The following JMJD1C variants were observed in gnomAD, a reference collection of about 807,000 sequenced individuals.
The protein encoded by JMJD1C is jumonji domain containing 1C, also known as jumonji domain-containing protein 1C.
Under a neutral mutation model 245.3 loss-of-function variants are expected in JMJD1C, and 31 were observed. That is an observed-to-expected ratio of 0.13 (90% CI 0.09 to 0.17). The LOEUF is 0.17. JMJD1C is among the 10% of genes least tolerant of loss of function. The pLI is 1.00. For synonymous variants in JMJD1C, 1,057 were observed against 1,017.4 expected, an observed-to-expected ratio of 1.04 and a Z score of -0.74; for missense variants, 2,691 against 3,000.2, an observed-to-expected ratio of 0.90 and a Z score of 2.41.
chr10:63,294,578 C>T (rs117139553), intron 2 of JMJD1C, among the ~76,000 whole-genome samples: 3,295 of 152,264 alleles, frequency 0.022, 58 homozygotes, highest in Non-Finnish European at 0.034. Flanking sequence ...GCCACTGCAC[C>T]CTGGTCAATC....
chr10:63,467,693 C>A (rs952836126), upstream of JMJD1C, among the ~76,000 whole-genome samples: 4 of 152,150 alleles, frequency 2.6e-5, no homozygotes, highest in Non-Finnish European at 4.4e-5. Context: ...ATGAAGATTT[C>A]TAAAATCAGT....
At chr10:63,320,746 C>T (rs1940749662) in intron 2 of JMJD1C, among the ~76,000 whole-genome samples, 1 of 152,106 alleles carries the variant, frequency 6.6e-6, no homozygotes, top group Non-Finnish European at 1.5e-5. Context: ...ATCTTTTGTT[C>T]TAATATTTGT....
intron 1 of JMJD1C, among the ~76,000 whole-genome samples, chr10:63,434,422 C>G (rs1950947275): frequency 6.6e-6 from 1 of 152,202 alleles, no homozygotes; most frequent in East Asian, 1.9e-4. Flanking sequence ...AGGGGGAAAT[C>G]ACATGGGATT....
chr10:63,187,372 A>G (rs1844251572), intron 18 of JMJD1C, among the ~76,000 whole-genome samples: 1 of 152,228 alleles, frequency 6.6e-6, no homozygotes, highest in African/African-American at 2.4e-5. Flanking sequence ...TTTTTAAAAA[A>G]GATAAGGGTT....
At chr10:63,301,925 A>G (rs188241830) in intron 2 of JMJD1C, 5 of 280,488 alleles carry the variant, frequency 1.8e-5, no homozygotes, top group African/African-American at 1.1e-4. Context: ...GTGGAAACCA[A>G]TCCATTTCCT....
chr10:63,281,553 C>T (rs1486529682), intron 2 of JMJD1C, among the ~76,000 whole-genome samples: 1 of 142,802 alleles, frequency 7.0e-6, no homozygotes, highest in African/African-American at 2.6e-5. Context: ...TCACTGCGAC[C>T]TCTGCCTCCC....
intron 2 of JMJD1C, among the ~76,000 whole-genome samples, chr10:63,364,506 T>G (rs1027666978): frequency 1.2e-4 from 18 of 152,306 alleles, no homozygotes; most frequent in African/African-American, 4.3e-4. Context: ...GCAGGTTTTT[T>G]GTTTGTTTTT....
Position 63,465,927 on chromosome 10 carries a change from T to G in JMJD1C, c.-265A>C, listed in dbSNP as rs770939640. The stretch of plus-strand genomic sequence containing the variant: ...ACTGAAACAAAACCCAACGCGGCCG[T>G]CGAAGACCCCGAGGCAGCCCAGCCG... On this transcript the variant is annotated 5_prime_UTR_variant, in exon 1 of 26. Transcript: ENST00000399262. 1 of 585,592 alleles carries G rather than the reference T, an allele frequency of 1.7e-6. No individual in the cohort carries two copies. The highest frequency in any genetic ancestry group is 1.8e-5 in the South Asian group (1 of 56,056). The allele number at this position is 585,592 out of a possible 1,614,324, so 36.3% of individuals were successfully genotyped here.
chr10:63,308,015 A>T (rs989851682), intron 2 of JMJD1C, among the ~76,000 whole-genome samples: 1 of 152,070 alleles, frequency 6.6e-6, no homozygotes, highest in Non-Finnish European at 1.5e-5. Context: ...TTAGCTGGGC[A>T]TGGTGGCAGA....
intron 24 of JMJD1C, among the ~76,000 whole-genome samples, chr10:63,171,476 C>T (rs1438366640): frequency 1.3e-5 from 2 of 152,214 alleles, no homozygotes; most frequent in African/African-American, 4.8e-5. Context: ...TGGCAATGGT[C>T]ATTGCTGACG....
At position 63,178,730 on chromosome 10, in the gene JMJD1C, C is replaced by G. The variant is rs569407844; in HGVS notation, c.7085-874G>C. Among the ~76,000 whole-genome samples the G allele has an allele frequency of 2.6e-5, 4 of 152,202 alleles. No homozygotes were observed. The South Asian group carries it at 8.3e-4, about 32-fold the overall frequency. On this transcript the variant is annotated intron_variant, in intron 22 of 25. Transcript: ENST00000399262. ...GTGGTTTTGAGGAAAATCAAGCCAT[C>G]CTTCTAAAATGTTGACAAACTAAAA...
intron 1 of JMJD1C, among the ~76,000 whole-genome samples, chr10:63,430,004 T>C (rs895195987): frequency 2.6e-5 from 4 of 152,110 alleles, no homozygotes; most frequent in Admixed American, 6.6e-5. Context: ...AGATTCAATA[T>C]TAAGAATAAA....
chr10:63,243,230 A>G (rs1277785150), intron 3 of JMJD1C, among the ~76,000 whole-genome samples: 1 of 151,270 alleles, frequency 6.6e-6, no homozygotes, highest in Non-Finnish European at 1.5e-5. Context: ...CTATATCTTA[A>G]AATTTGATTA....
At chr10:63,442,832 A>G (rs1412357449) in intron 1 of JMJD1C, among the ~76,000 whole-genome samples, 5 of 151,230 alleles carry the variant, frequency 3.3e-5, no homozygotes, top group Non-Finnish European at 7.4e-5. Flanking sequence ...ACATAATCCA[A>G]TCCTTAAGTA....
intron 3 of JMJD1C, among the ~76,000 whole-genome samples, chr10:63,253,810 T>A (rs897161036): frequency 2.0e-5 from 3 of 152,218 alleles, no homozygotes; most frequent in Non-Finnish European, 4.4e-5. Context: ...CTACTCTAAT[T>A]CTAACAATAC....
At chr10:63,319,110 A>T (rs544497776) in intron 2 of JMJD1C, among the ~76,000 whole-genome samples, 6 of 152,086 alleles carry the variant, frequency 3.9e-5, no homozygotes, top group Admixed American at 3.9e-4. Context: ...AATACAAAAA[A>T]TTAGCCGGGT....
chr10:63,470,645 A>C (rs1165688510), upstream of JMJD1C, among the ~76,000 whole-genome samples: 2 of 152,254 alleles, frequency 1.3e-5, no homozygotes, highest in Admixed American at 6.5e-5. Flanking sequence ...TCTTCTAAAA[A>C]GAACAGTCTC....
chr10:63,426,353 T>C (rs1200847760), intron 1 of JMJD1C, among the ~76,000 whole-genome samples: 2 of 151,192 alleles, frequency 1.3e-5, no homozygotes, highest in African/African-American at 2.4e-5. Context: ...CAAAACCCTA[T>C]CTATTAAAAA....
chr10:63,271,424 G>A (rs1036362727), intron 2 of JMJD1C, among the ~76,000 whole-genome samples: 4 of 151,812 alleles, frequency 2.6e-5, no homozygotes, highest in East Asian at 1.9e-4. Flanking sequence ...ATGATCCACC[G>A]ATCTCAGCCT....
Sources: gnomAD v4.1 joint callset for allele counts (sites outside exome capture counted in the v4.1 genomes callset) on GRCh38, gnomAD v4.1.1 for gene constraint, MANE v1.5 for transcripts, NCBI Gene and HGNC (gene_info 2026-07-23, HGNC 2026-07-21) for gene names.